Variants in PXDNL observed in about 807,000 individuals in gnomAD.
PXDNL encodes the protein peroxidasin like, also known as probable oxidoreductase PXDNL.
Under a neutral mutation model 150.8 loss-of-function variants are expected in PXDNL, and 145 were observed. That is an observed-to-expected ratio of 0.96 (90% CI 0.84 to 1.10). PXDNL has a LOEUF of 1.10. Ranked by LOEUF, PXDNL falls within the 50% of genes least tolerant of loss-of-function variation. The probability of loss-of-function intolerance (pLI) is 0.00; values close to 1 mark genes in which losing one functional copy is unlikely to be tolerated. For synonymous variants in PXDNL, 757 were observed against 725.7 expected, an observed-to-expected ratio of 1.04 and a Z score of -0.69; for missense variants, 2,087 against 1,873.9, an observed-to-expected ratio of 1.11 and a Z score of -2.10.
intron 4 of PXDNL, among the ~76,000 whole-genome samples, chr8:51,518,587 T>G (rs1051317817): frequency 6.6e-6 from 1 of 152,120 alleles, no homozygotes; most frequent in Non-Finnish European, 1.5e-5. Context: ...AACATGAGAA[T>G]GAGGTCAGTG....
intron 3 of PXDNL, among the ~76,000 whole-genome samples, chr8:51,578,805 G>A (rs533283637): frequency 1.3e-4 from 20 of 151,978 alleles, no homozygotes; most frequent in African/African-American, 4.8e-4. Flanking sequence ...AAATAGACCT[G>A]CAAAATATAG....
chr8:51,483,614 T>G lies in PXDNL; in HGVS notation c.524+29A>C, dbSNP rs373606813. 1.1e-4 allele frequency: 143 copies of G among 1,354,420 alleles called. No individual in the cohort carries two copies. The Middle Eastern group carries it at 1.3e-3, about 12-fold the overall frequency. 83.9% of individuals were successfully genotyped at this position (1,354,420 alleles called of 1,614,324 possible). ...ATTTTGGAGGAAATTATAAAAGGTTTTTGTGTTAATGCACTTGCTTTCACT... is the reference window on the plus strand; with the variant it reads ...ATTTTGGAGGAAATTATAAAAGGTTGTTGTGTTAATGCACTTGCTTTCACT... On this transcript the variant is annotated intron_variant, in intron 6 of 22. Transcript: ENST00000356297.
intron 19 of PXDNL, among the ~76,000 whole-genome samples, chr8:51,353,980 T>C (rs1806429023): frequency 1.3e-5 from 2 of 152,126 alleles, no homozygotes; most frequent in African/African-American, 4.8e-5. Context: ...GCTTTTTGGA[T>C]AGATAAAGCA....
chr8:51,788,689 C>T (rs961502920), intron 1 of PXDNL, among the ~76,000 whole-genome samples: 3 of 152,216 alleles, frequency 2.0e-5, no homozygotes, highest in Non-Finnish European at 2.9e-5. Flanking sequence ...CTCACTACTG[C>T]TCAGGACCAC....
At chr8:51,338,899 C>A (rs1354480027) in intron 21 of PXDNL, among the ~76,000 whole-genome samples, 1 of 152,182 alleles carries the variant, frequency 6.6e-6, no homozygotes, top group Admixed American at 6.5e-5. Context: ...TCCTAAGAAG[C>A]TTCTTTGACT....
intron 2 of PXDNL, among the ~76,000 whole-genome samples, chr8:51,637,447 C>T (rs551371220): frequency 1.3e-5 from 2 of 152,198 alleles, no homozygotes; most frequent in South Asian, 2.1e-4. Flanking sequence ...AAGCCAAAAA[C>T]CTTGAAAAAA....
intron 8 of PXDNL, among the ~76,000 whole-genome samples, chr8:51,470,505 A>G (rs943382306): frequency 2.0e-5 from 3 of 152,166 alleles, no homozygotes; most frequent in Non-Finnish European, 4.4e-5. Flanking sequence ...ACACATGAAA[A>G]CCATGGTAAT....
chr8:51,532,477 C>T (rs895469383), intron 4 of PXDNL, among the ~76,000 whole-genome samples: 4 of 152,244 alleles, frequency 2.6e-5, no homozygotes, highest in Non-Finnish European at 4.4e-5. Flanking sequence ...AAAAACACTG[C>T]TAACAAGGAT....
At chr8:51,487,946 C>A (rs889176066) in intron 5 of PXDNL, among the ~76,000 whole-genome samples, 2 of 152,144 alleles carry the variant, frequency 1.3e-5, no homozygotes, top group African/African-American at 4.8e-5. Flanking sequence ...GCACATTACT[C>A]GACTATGTGC....
intron 1 of PXDNL, among the ~76,000 whole-genome samples, chr8:51,723,476 C>T (rs1816767958): frequency 6.6e-6 from 1 of 152,210 alleles, no homozygotes; most frequent in South Asian, 2.1e-4. Flanking sequence ...CGATATCAGC[C>T]TCAAGCAAGC....
intron 12 of PXDNL, chr8:51,436,402 C>T (rs1809409394): frequency 3.1e-5 from 13 of 413,586 alleles, no homozygotes; most frequent in South Asian, 1.9e-4. Context: ...AATGCATTGC[C>T]ATGTCATAAG....
chr8:51,630,134 C>T (rs1299349268), intron 2 of PXDNL, among the ~76,000 whole-genome samples: 3 of 152,106 alleles, frequency 2.0e-5, no homozygotes, highest in Non-Finnish European at 4.4e-5. Context: ...TAATGCCACA[C>T]ACTTACAATC....
intron 20 of PXDNL, among the ~76,000 whole-genome samples, chr8:51,344,683 A>G (rs1045899116): frequency 6.6e-6 from 1 of 152,350 alleles, no homozygotes; most frequent in Non-Finnish European, 1.5e-5. Flanking sequence ...TTCAGTGAAC[A>G]CTACAACAGC....
At chr8:51,693,651 T>C (rs928795874) in intron 1 of PXDNL, among the ~76,000 whole-genome samples, 49 of 152,200 alleles carry the variant, frequency 3.2e-4, no homozygotes, top group African/African-American at 1.1e-3. Context: ...GCGCCTGTGG[T>C]CCCAGCTACT....
intron 3 of PXDNL, among the ~76,000 whole-genome samples, chr8:51,585,710 A>G (rs1813308675): frequency 6.6e-6 from 1 of 152,076 alleles, no homozygotes; most frequent in Non-Finnish European, 1.5e-5. Flanking sequence ...GGTCCTTGTC[A>G]AACTTGCTAG....
At chr8:51,410,804 A>C (rs1440205186) in intron 16 of PXDNL, among the ~76,000 whole-genome samples, 1 of 152,190 alleles carries the variant, frequency 6.6e-6, no homozygotes, top group African/African-American at 2.4e-5. Flanking sequence ...AAACAACAAC[A>C]ACAAAAAAAC....
chr8:51,774,525 G>C (rs2037330940), intron 1 of PXDNL, among the ~76,000 whole-genome samples: 2 of 152,092 alleles, frequency 1.3e-5, no homozygotes, highest in African/African-American at 4.8e-5. Context: ...GGCTTAAAAA[G>C]GTAAATTAGG....
chr8:51,749,889 C>A (rs940655224), intron 1 of PXDNL, among the ~76,000 whole-genome samples: 1 of 151,888 alleles, frequency 6.6e-6, no homozygotes, highest in Non-Finnish European at 1.5e-5. Context: ...TTAGTAGAGA[C>A]GGGGTTTCAC....
chr8:51,539,574 G>A (rs1812166539), intron 4 of PXDNL, among the ~76,000 whole-genome samples: 3 of 152,032 alleles, frequency 2.0e-5, no homozygotes, highest in Non-Finnish European at 2.9e-5. Flanking sequence ...AGACATTTGG[G>A]TGTAGAGTTT....
Sources: allele counts gnomAD v4.1 joint callset (sites outside exome capture counted in the v4.1 genomes callset), GRCh38; gene constraint gnomAD v4.1.1; transcripts MANE v1.5; gene names NCBI Gene and HGNC (gene_info 2026-07-23, HGNC 2026-07-21).